Variants in CSNK1E observed in about 807,000 individuals in gnomAD.
CSNK1E encodes casein kinase 1 epsilon.
CSNK1E carries 17 observed loss-of-function variants against 46.1 expected under a neutral mutation model. That is an observed-to-expected ratio of 0.37 (90% CI 0.25 to 0.55). The LOEUF (loss-of-function observed/expected upper bound fraction) is 0.55. CSNK1E is among the 20% of genes least tolerant of loss of function. The probability of loss-of-function intolerance (pLI) is 0.82; values close to 1 mark genes in which losing one functional copy is unlikely to be tolerated. For missense variants in CSNK1E, 386 were observed against 595.4 expected, an observed-to-expected ratio of 0.65 and a Z score of 3.66; for synonymous variants, 241 against 242.6, an observed-to-expected ratio of 0.99 and a Z score of 0.06.
chr22:38,294,625 G>C lies in CSNK1E; in HGVS notation c.886-91C>G, dbSNP rs181078985. On this transcript the variant is annotated intron_variant, in intron 7 of 10. Coordinates refer to ENST00000396832, the MANE Select transcript of CSNK1E (RefSeq NM_152221.3). This position sits in a 1 kb window ranked among gnomAD's most constrained non-coding sequence, Gnocchi z 5.5. ...CTGCAGGGCACAGAAGGGGAGGGAG[G>C]CCAGGTGGATATCTCAGAAACCTTC... is the stretch of plus-strand genomic sequence containing the variant. The C allele has an allele frequency of 4.0e-6, 5 of 1,257,262 alleles. No homozygotes were observed. In the East Asian group the frequency reaches 7.9e-5, roughly 20 times the overall value. 77.9% of individuals were successfully genotyped at this position (1,257,262 alleles called of 1,614,324 possible).
chr22:38,312,819 C>T (rs892179214), intron 2 of CSNK1E, among the ~76,000 whole-genome samples: 2 of 152,194 alleles, frequency 1.3e-5, no homozygotes, highest in Admixed American at 1.3e-4. Flanking sequence ...CACAGCCACA[C>T]AAAGCCACGT....
chr22:38,312,145 G>A (rs956339169), intron 2 of CSNK1E, among the ~76,000 whole-genome samples: 3 of 152,078 alleles, frequency 2.0e-5, no homozygotes, highest in African/African-American at 7.2e-5. Context: ...CACCCACGCT[G>A]GAGTGTGATC....
At position 38,294,138 on chromosome 22, in the gene CSNK1E, G is replaced by T; in HGVS notation, c.1189C>A (p.Gln397Lys). ...NVSSSDLTGR[Q>K]EVSRIPASQT... ...GAGGCTGGGATCCGGGAGACCTCTT[G>T]CCGCCCAGTGAGGTCTGAGGAGGAG... is the stretch of plus-strand genomic sequence containing the variant. The change falls in exon 9 of 11, where the codon CAA becomes AAA. Residue 397 changes from glutamine (Q) to lysine (K), a missense_variant. Transcript: ENST00000396832. The surrounding 1 kb of genome is among the most constrained non-coding windows in gnomAD (Gnocchi z 5.5). The T allele has an allele frequency of 6.2e-7, 1 of 1,611,104 alleles. No homozygotes were observed.
intron 7 of CSNK1E, chr22:38,295,357 A>T (rs1201873261): frequency 4.2e-6 from 4 of 943,144 alleles, no homozygotes; most frequent in Non-Finnish European, 5.1e-6. Context: ...AGAGAAGAGC[A>T]TATGTGGGGG....
rs1209329705 is a variant in CSNK1E, at chr22:38,290,972, G to A, written c.*999C>T. The A allele has an allele frequency of 6.6e-6, 1 of 152,288 alleles. No homozygotes were observed. 9.4% of individuals were successfully genotyped at this position (152,288 alleles called of 1,614,324 possible). ...AAACAAAAAGGTGTTAACTAGGAAG[G>A]ATGGGTTAATCCAAAACCCAGCCCT... is the stretch of plus-strand genomic sequence containing the variant. On this transcript the variant is annotated 3_prime_UTR_variant, in exon 11 of 11. Transcript: ENST00000396832.
In CSNK1E at chr22:38,302,848, G is replaced by C. The variant is rs1255352053; in HGVS notation, c.336+13C>G. The C allele has an allele frequency of 2.0e-5, 33 of 1,613,766 alleles. No homozygotes were observed. In the Admixed American group the frequency reaches 5.3e-4, roughly 26 times the overall value. ...CAGGCATCTGGCTGGGGATGGAGGG[G>C]ACGGGGACTCACCATCTGGTCGGCC... On this transcript the variant is annotated intron_variant, in intron 4 of 10. Transcript: ENST00000396832.
intron 4 of CSNK1E, among the ~76,000 whole-genome samples, chr22:38,301,955 A>T (rs144885854): frequency 6.6e-6 from 1 of 152,274 alleles, no homozygotes; most frequent in Non-Finnish European, 1.5e-5. Flanking sequence ...CAAGTTCAAA[A>T]TTCTACAGTT....
intron 7 of CSNK1E, chr22:38,296,558 G>A (rs926872786): frequency 6.2e-7 from 1 of 1,612,330 alleles, no homozygotes; most frequent in Non-Finnish European, 8.5e-7. Flanking sequence ...CCGTGGCATT[G>A]AGTCAGAGAT....
chr22:38,301,392 C>T (rs1444084081), intron 4 of CSNK1E, among the ~76,000 whole-genome samples: 3 of 151,810 alleles, frequency 2.0e-5, no homozygotes, highest in Non-Finnish European at 2.9e-5. Flanking sequence ...ACAGGGCTTC[C>T]GAAGGATGCC....
chr22:38,314,092 A>G lies in CSNK1E; in HGVS notation c.66T>C (p.Asp22=). 6.2e-7 allele frequency: 1 copy of G among 1,613,906 alleles called. No homozygotes were observed. Among genetic ancestry groups the G allele is most frequent in the Non-Finnish European group, 8.5e-7 (1 of 1,179,896 alleles). ...GRKIGSGSFG[D]IYLGANIASG... ...GCTAGGAACACTTACCCAGGTAGAT[A>G]TCTCCGAAGGACCCGCTCCCGATCT... The change falls in exon 2 of 11, where the codon GAT becomes GAC. Residue 22 remains aspartate (D), a synonymous_variant. Coordinates refer to ENST00000396832, the MANE Select transcript of CSNK1E (RefSeq NM_152221.3).
chr22:38,306,723 C>T (rs1409597685), intron 2 of CSNK1E, among the ~76,000 whole-genome samples: 1 of 94,388 alleles, frequency 1.1e-5, no homozygotes, highest in Non-Finnish European at 2.1e-5. Flanking sequence ...GAGCAAGACT[C>T]CATCTCAAAA....
At chr22:38,296,418 A>C in intron 7 of CSNK1E, 2 of 1,433,608 alleles carry the variant, frequency 1.4e-6, no homozygotes, top group Non-Finnish European at 1.8e-6. Flanking sequence ...TGCAGCCAAC[A>C]ACACAGGGTG....
chr22:38,300,991 C>T lies in CSNK1E; in HGVS notation c.337-39G>A, dbSNP rs769955169. 2 of 1,570,660 alleles carry T rather than the reference C, an allele frequency of 1.3e-6. No homozygotes were observed. Among genetic ancestry groups the T allele is most frequent in the Non-Finnish European group, 1.8e-6 (2 of 1,141,610 alleles). ...GGGCCATTTGTTCAACAGAGGGGCC[C>T]TTGCCTAGCACTCTGGGCCAGGCAG... On this transcript the variant is annotated intron_variant, in intron 4 of 10. Transcript: ENST00000396832. The surrounding 1 kb of genome is among the most constrained non-coding windows in gnomAD (Gnocchi z 4.4).
In CSNK1E at chr22:38,298,194, A is replaced by G; in HGVS notation, c.885+592T>C. 1 of 1,303,944 alleles carries G rather than the reference A, an allele frequency of 7.7e-7. No homozygotes were observed. Among genetic ancestry groups the G allele is most frequent in the Non-Finnish European group, 1.0e-6 (1 of 988,844 alleles). 80.8% of individuals were successfully genotyped at this position (1,303,944 alleles called of 1,614,324 possible). ...CTGTCACGGGGCTGAGCCTGGCTCG[A>G]GGAAGCCCCCTTTTCCAGAAGAGAT... On this transcript the variant is annotated intron_variant, in intron 7 of 10. Transcript: ENST00000396832. The surrounding 1 kb of genome is among the most constrained non-coding windows in gnomAD (Gnocchi z 4.2).
rs1257503374 is a variant in CSNK1E, at chr22:38,298,103, G to A, written c.885+683C>T. The stretch of plus-strand genomic sequence containing the variant: ...CTCAGAGGATCCTTACCAGTACGTG[G>A]GTGAGTACGTGGGCCCAGCACAGGG... On this transcript the variant is annotated intron_variant, in intron 7 of 10. Transcript: ENST00000396832. This position sits in a 1 kb window ranked among gnomAD's most constrained non-coding sequence, Gnocchi z 4.2. 4.0e-6 allele frequency: 5 copies of A among 1,256,060 alleles called. No homozygotes were observed. The highest frequency in any genetic ancestry group is 3.1e-6 in the Non-Finnish European group (3 of 965,058). The allele number at this position is 1,256,060 out of a possible 1,614,324, so 77.8% of individuals were successfully genotyped here.
intron 10 of CSNK1E, 78 bp downstream of exon 10, chr22:38,293,177 C>T (rs922365919): frequency 6.9e-6 from 8 of 1,165,710 alleles, no homozygotes; most frequent in Non-Finnish European, 1.0e-5. Flanking sequence ...CCCTCCACAA[C>T]ACATTGGTCT....
At chr22:38,297,860 T>C (rs2092649102) in intron 7 of CSNK1E, 4 of 1,018,940 alleles carry the variant, frequency 3.9e-6, no homozygotes, top group Non-Finnish European at 4.7e-6. Flanking sequence ...CTGGCCCCGA[T>C]GGGCTCAGGC....
intron 1 of CSNK1E, among the ~76,000 whole-genome samples, chr22:38,315,523 A>C (rs1023580380): frequency 6.6e-6 from 1 of 152,172 alleles, no homozygotes; most frequent in Non-Finnish European, 1.5e-5. Context: ...CCACGTTTGC[A>C]GGAAACCCAC....
intron 7 of CSNK1E, chr22:38,296,584 C>A: frequency 6.2e-7 from 1 of 1,612,820 alleles, no homozygotes. Context: ...AAGGATAAGG[C>A]TGTGGGTGCC....
Sources: allele counts gnomAD v4.1 joint callset (sites outside exome capture counted in the v4.1 genomes callset), GRCh38; gene constraint gnomAD v4.1.1; non-coding constraint Gnocchi (gnomAD v3.1); transcripts MANE v1.5; gene names NCBI Gene and HGNC (gene_info 2026-07-23, HGNC 2026-07-21).